THSD7B: variants seen among roughly 807,000 people sequenced by gnomAD.
The protein encoded by THSD7B is thrombospondin type-1 domain-containing protein 7B.
A neutral mutation model predicts 213.6 loss-of-function variants in THSD7B; 138 were observed. The observed-to-expected ratio is 0.65, with a 90% CI of 0.56 to 0.74. The LOEUF (loss-of-function observed/expected upper bound fraction) is 0.74, where lower values mean the gene tolerates loss of function less well. THSD7B is among the 30% of genes least tolerant of loss of function. The pLI is 0.00. For missense variants in THSD7B, 1,931 were observed against 1,991.5 expected, an observed-to-expected ratio of 0.97 and a Z score of 0.58; for synonymous variants, 742 against 687.0, an observed-to-expected ratio of 1.08 and a Z score of -1.25.
rs1208733393 is a variant in THSD7B at position 137,663,501 on chromosome 2, C to T, written c.4577C>T (p.Ser1526Phe). ...AAAAAAGCTGATGTGAAAAACCTTT[C>T]TGGGAAAAACAGACCTGTGAATTCA... ...EDKKADVKNLSGKNRPVNSKI... is the reference protein window; with the variant it reads ...EDKKADVKNLFGKNRPVNSKI... Residue 1526 changes from serine (S) to phenylalanine (F), a missense_variant, in exon 26 of 28, where the codon TCT (serine) becomes TTT (phenylalanine). Ser to Phe is a radical substitution (Grantham distance 155). Coordinates refer to ENST00000409968, the MANE Select transcript of THSD7B (RefSeq NM_001316349.2). 5.6e-6 allele frequency: 9 copies of T among 1,606,130 alleles called. No homozygotes were observed. Among genetic ancestry groups the T allele is most frequent in the Non-Finnish European group, 7.7e-6 (9 of 1,175,866 alleles).
intron 2 of THSD7B, among the ~76,000 whole-genome samples, chr2:137,039,235 T>G (rs1333258714): frequency 6.6e-6 from 1 of 152,166 alleles, no homozygotes; most frequent in Non-Finnish European, 1.5e-5. Context: ...CCCTTATTAC[T>G]GCTGAGATCC....
At chr2:137,464,856 T>C (rs1324603766) in intron 15 of THSD7B, among the ~76,000 whole-genome samples, 1 of 152,114 alleles carries the variant, frequency 6.6e-6, no homozygotes, top group Non-Finnish European at 1.5e-5. Context: ...TGCTTTATGA[T>C]AGCCCAGTGG....
intron 12 of THSD7B, among the ~76,000 whole-genome samples, chr2:137,281,858 A>G (rs570282840): frequency 3.3e-5 from 5 of 152,306 alleles, no homozygotes; most frequent in Admixed American, 1.3e-4. Flanking sequence ...GTGCTGCAAT[A>G]AACACACGTG....
Position 137,272,604 on chromosome 2 carries a change from C to T in THSD7B, c.2338C>T (p.Pro780Ser). Residue 780 changes from proline (P) to serine (S), a missense_variant, in exon 11 of 28, where the codon CCA becomes TCA. By Grantham distance (74) the Pro-to-Ser change is moderately conservative. Coordinates refer to ENST00000409968, the MANE Select transcript of THSD7B (RefSeq NM_001316349.2). ...AGCAGCCAATGGAGGCCAGGAATGC[C>T]CAGATACCTTATATGAGGAGAGAGA... ...QEAANGGQEC[P>S]DTLYEERECE... 1 of 1,612,166 alleles carries T rather than the reference C, an allele frequency of 6.2e-7. No individual in the cohort carries two copies. Among genetic ancestry groups the T allele is most frequent in the South Asian group, 1.1e-5 (1 of 90,910 alleles).
At chr2:137,223,703 T>C (rs1013696324) in intron 7 of THSD7B, among the ~76,000 whole-genome samples, 1 of 152,204 alleles carries the variant, frequency 6.6e-6, no homozygotes, top group Non-Finnish European at 1.5e-5. Context: ...CTGGACCCCC[T>C]CAATGTAACA....
intron 14 of THSD7B, among the ~76,000 whole-genome samples, chr2:137,429,420 G>C (rs371970878): frequency 6.6e-6 from 1 of 152,072 alleles, no homozygotes; most frequent in African/African-American, 2.4e-5. Context: ...ACATATCTGT[G>C]TATGTATATA....
chr2:137,216,607 G>A (rs1387162340), intron 7 of THSD7B, among the ~76,000 whole-genome samples: 2 of 152,132 alleles, frequency 1.3e-5, no homozygotes, highest in Non-Finnish European at 2.9e-5. Flanking sequence ...GCCCCATGGT[G>A]CCCAGATGTC....
At chr2:137,140,206 A>T (rs915293089) in intron 5 of THSD7B, among the ~76,000 whole-genome samples, 3 of 152,118 alleles carry the variant, frequency 2.0e-5, no homozygotes, top group African/African-American at 4.8e-5. Context: ...ATTTTTTCAA[A>T]ACTTGCCTTT....
chr2:136,991,432 TAAAAA>T (rs1390683462), intron 2 of THSD7B, among the ~76,000 whole-genome samples: 1 of 152,146 alleles, frequency 6.6e-6, no homozygotes, highest in Non-Finnish European at 1.5e-5. Context: ...TATTTGGAAT[TAAAAA>T]AAGAGAGCGA....
In THSD7B at chr2:137,063,755, G is replaced by A. The variant is rs1353459048; in HGVS notation, c.950+6525G>A. On this transcript the variant is annotated intron_variant, in intron 3 of 27. Coordinates refer to ENST00000409968, the MANE Select transcript of THSD7B (RefSeq NM_001316349.2). ...ATTGTTTTAATTTTTCGTTGTCACA[G>A]GTAAGTGAGAACATGCAAAGCTTGT... is the stretch of plus-strand genomic sequence containing the variant. Among the ~76,000 whole-genome samples the A allele has an allele frequency of 2.0e-5, 3 of 151,924 alleles. No individual in the cohort carries two copies. The South Asian group carries it at 6.2e-4, about 31-fold the overall frequency.
chr2:136,842,022 T>A (rs952466909), intron 1 of THSD7B, among the ~76,000 whole-genome samples: 1 of 152,262 alleles, frequency 6.6e-6, no homozygotes, highest in Non-Finnish European at 1.5e-5. Flanking sequence ...GTGTATGGAA[T>A]GTCATACCTA....
At chr2:137,516,041 G>T (rs1266320353) in intron 15 of THSD7B, among the ~76,000 whole-genome samples, 1 of 152,220 alleles carries the variant, frequency 6.6e-6, no homozygotes, top group East Asian at 1.9e-4. Flanking sequence ...AATGCAATGG[G>T]AATAATTGGA....
chr2:137,487,461 T>G (rs1187916221), intron 15 of THSD7B, among the ~76,000 whole-genome samples: 1 of 131,992 alleles, frequency 7.6e-6, no homozygotes, highest in Non-Finnish European at 1.6e-5. Flanking sequence ...ATAACTAAAA[T>G]CAGAGCAGAA....
intron 7 of THSD7B, 109 bp from the exon 8 acceptor site, chr2:137,230,934 GC>G: frequency 9.3e-7 from 1 of 1,078,768 alleles, no homozygotes; most frequent in Non-Finnish European, 1.3e-6. Flanking sequence ...ATTGTGAATG[GC>G]TGAAGAAACT....
chr2:136,981,601 T>TGGGTTCTACATGATTATCATC (rs1685578983), intron 2 of THSD7B, among the ~76,000 whole-genome samples: 1 of 152,260 alleles, frequency 6.6e-6, no homozygotes, highest in Admixed American at 6.5e-5. Context: ...TGCAGAAGCC[T>TGGGTTCTACATGATTATCATC]GGGTTCTACA....
At chr2:137,078,898 G>A (rs1269519529) in intron 3 of THSD7B, among the ~76,000 whole-genome samples, 1 of 152,016 alleles carries the variant, frequency 6.6e-6, no homozygotes, top group African/African-American at 2.4e-5. Context: ...TTTCCAGATA[G>A]AAAGGCCATA....
rs1681660080 is a variant in THSD7B at position 136,778,728 on chromosome 2, C to T, written c.-36+13041C>T. On this transcript the variant is annotated intron_variant, in intron 1 of 27. Coordinates refer to ENST00000409968, the MANE Select transcript of THSD7B (RefSeq NM_001316349.2). ...TCATTAAAAAAATCTGGTCAGAAAC[C>T]GTCACCTTAAGGAAGTTCAAGAGAT... 2.6e-5 allele frequency among the ~76,000 whole-genome samples: 4 copies of T among 152,022 alleles called. No homozygotes were observed. In the South Asian group the frequency reaches 6.2e-4, roughly 24 times the overall value.
chr2:137,115,242 G>A lies in THSD7B; in HGVS notation c.1318G>A (p.Val440Met). Residue 440 changes from valine (V) to methionine (M), a missense_variant, in exon 5 of 28, where the codon GTG becomes ATG. Physicochemically the swap from Val to Met is conservative, Grantham distance 21. Coordinates refer to ENST00000409968, the MANE Select transcript of THSD7B (RefSeq NM_001316349.2). ...VCGGGIQTRE[V>M]YCAQSVPAAA... is the part of the protein sequence containing the mutation. ...TGGCGGTGGGATCCAGACCCGGGAG[G>A]TGTACTGTGCCCAGAGCGTACCAGC... 6.2e-7 allele frequency: 1 copy of A among 1,613,062 alleles called. No homozygotes were observed. Among genetic ancestry groups the A allele is most frequent in the South Asian group, 1.1e-5 (1 of 90,946 alleles).
intron 5 of THSD7B, chr2:137,156,282 C>T (rs1336632788): frequency 2.0e-5 from 3 of 152,062 alleles, no homozygotes; most frequent in Non-Finnish European, 4.4e-5. Context: ...ACAGGCTGAC[C>T]CAAGCACATT....
Sources: allele counts gnomAD v4.1 joint callset (sites outside exome capture counted in the v4.1 genomes callset), GRCh38; gene constraint gnomAD v4.1.1; transcripts MANE v1.5; gene names NCBI Gene and HGNC (gene_info 2026-07-23, HGNC 2026-07-21).